The following CAMK1D variants were observed in gnomAD, a reference collection of about 807,000 sequenced individuals.
CAMK1D encodes calcium/calmodulin dependent protein kinase ID, also known as calcium/calmodulin-dependent protein kinase type 1D.
Under a neutral mutation model 47.7 loss-of-function variants are expected in CAMK1D, and 9 were observed. The ratio of observed to expected loss-of-function variants is 0.19; its 90% CI spans 0.11 to 0.33. The LOEUF (loss-of-function observed/expected upper bound fraction) is 0.33, where lower values mean the gene tolerates loss of function less well. CAMK1D is among the 10% of genes least tolerant of loss of function. The probability of loss-of-function intolerance (pLI) is 1.00; values close to 1 mark genes in which losing one functional copy is unlikely to be tolerated. For missense variants in CAMK1D, 291 were observed against 488.7 expected (o/e 0.60, Z 3.81); for synonymous variants, 184 against 184.9 (o/e 0.99, Z 0.04).
At chr10:12,743,919 A>G (rs1026748601) in intron 3 of CAMK1D, among the ~76,000 whole-genome samples, 2 of 152,020 alleles carry the variant, frequency 1.3e-5, no homozygotes, top group African/African-American at 2.4e-5. Context: ...GCTACTCCAG[A>G]GGCTGAAACA....
rs979073457 is a variant in CAMK1D, at chr10:12,760,938, T to G, written c.300-10T>G. On this transcript the variant is annotated splice_polypyrimidine_tract_variant and intron_variant, in intron 3 of 10. Coordinates refer to ENST00000619168, the MANE Select transcript of CAMK1D (RefSeq NM_153498.4). ...TCCTTTCAAACTTCTAATATGTTCT[T>G]TTTTGCCAGGGTGTCCGGTGGAGAG... 2 of 1,611,118 alleles carry G rather than the reference T, an allele frequency of 1.2e-6. No homozygotes were observed. Among genetic ancestry groups the G allele is most frequent in the African/African-American group, 2.7e-5 (2 of 74,872 alleles).
intron 2 of CAMK1D, among the ~76,000 whole-genome samples, chr10:12,631,688 CTT>C (rs58291909): frequency 1.5e-4 from 22 of 144,008 alleles, no homozygotes; most frequent in Admixed American, 2.8e-4. Flanking sequence ...CACGTTAATC[CTT>C]TTTTTTTTTT....
intron 1 of CAMK1D, among the ~76,000 whole-genome samples, chr10:12,407,742 C>T (rs1462661431): frequency 6.6e-6 from 1 of 152,034 alleles, no homozygotes; most frequent in Non-Finnish European, 1.5e-5. Flanking sequence ...AGGTGATTTG[C>T]TTGAGCATTT....
chr10:12,373,829 C>T (rs1027862656), intron 1 of CAMK1D, among the ~76,000 whole-genome samples: 4 of 151,824 alleles, frequency 2.6e-5, no homozygotes, highest in Middle Eastern at 3.4e-3. Context: ...AATCCCAGCC[C>T]TTTGGGAGGC....
chr10:12,528,419 G>A (rs1025839924), intron 1 of CAMK1D, among the ~76,000 whole-genome samples: 1 of 152,212 alleles, frequency 6.6e-6, no homozygotes, highest in Non-Finnish European at 1.5e-5. Context: ...GGAAATCTGA[G>A]AAAAGCCAGG....
chr10:12,729,068 G>T (rs1443136893), intron 3 of CAMK1D, among the ~76,000 whole-genome samples: 1 of 152,170 alleles, frequency 6.6e-6, no homozygotes. Flanking sequence ...ATTAATATTT[G>T]GCGTCATGCT....
intron 1 of CAMK1D, among the ~76,000 whole-genome samples, chr10:12,537,877 T>A (rs570982601): frequency 6.6e-6 from 1 of 152,386 alleles, no homozygotes; most frequent in South Asian, 2.1e-4. Context: ...TCCAACATTT[T>A]CATTGTATTT....
intron 1 of CAMK1D, among the ~76,000 whole-genome samples, chr10:12,378,893 T>C (rs1476906853): frequency 7.9e-5 from 12 of 151,662 alleles, no homozygotes; most frequent in Admixed American, 7.9e-4. Context: ...CACTGCAACC[T>C]TCGCCTCCTG....
intron 3 of CAMK1D, among the ~76,000 whole-genome samples, chr10:12,714,805 C>CACACACACAA (rs1169447579): frequency 4.7e-5 from 7 of 148,918 alleles, no homozygotes; most frequent in African/African-American, 1.8e-4. Flanking sequence ...CACACACACA[C>CACACACACAA]AATGTCTGAT....
intron 1 of CAMK1D, among the ~76,000 whole-genome samples, chr10:12,475,129 C>T (rs1177543665): frequency 1.3e-5 from 2 of 152,230 alleles, no homozygotes; most frequent in East Asian, 1.9e-4. Context: ...CATGGAATTG[C>T]TGGGTCGAAT....
chr10:12,748,133 C>G (rs1444660644), intron 3 of CAMK1D, among the ~76,000 whole-genome samples: 2 of 152,188 alleles, frequency 1.3e-5, no homozygotes, highest in Admixed American at 6.5e-5. Flanking sequence ...CAGAACAATG[C>G]AATTTTATTC....
intron 3 of CAMK1D, among the ~76,000 whole-genome samples, chr10:12,749,465 GAAAT>G (rs1174619156): frequency 1.7e-5 from 2 of 115,172 alleles, no homozygotes; most frequent in African/African-American, 3.1e-5. Context: ...AAAAAAAAAA[GAAAT>G]CCATTGTAAG....
At chr10:12,698,731 G>A (rs1474343512) in intron 3 of CAMK1D, among the ~76,000 whole-genome samples, 1 of 142,610 alleles carries the variant, frequency 7.0e-6, no homozygotes, top group Non-Finnish European at 1.5e-5. Context: ...GGAGTGCAGT[G>A]GTGTGATCTC....
intron 3 of CAMK1D, among the ~76,000 whole-genome samples, chr10:12,735,394 C>T (rs975770827): frequency 3.3e-5 from 5 of 152,130 alleles, no homozygotes; most frequent in African/African-American, 7.2e-5. Context: ...AGGAGAATGG[C>T]GTGAACCCGG....
chr10:12,709,504 A>C (rs1303010082), intron 3 of CAMK1D, among the ~76,000 whole-genome samples: 1 of 152,184 alleles, frequency 6.6e-6, no homozygotes, highest in African/African-American at 2.4e-5. Context: ...ATCTTAGGGG[A>C]ATAAAAATAT....
intron 8 of CAMK1D, among the ~76,000 whole-genome samples, chr10:12,819,575 A>G (rs529260613): frequency 6.6e-6 from 1 of 152,378 alleles, no homozygotes; most frequent in Non-Finnish European, 1.5e-5. Flanking sequence ...TCAAGGGGTT[A>G]CGTGAGATAA....
intron 1 of CAMK1D, among the ~76,000 whole-genome samples, chr10:12,547,285 G>A (rs1588619528): frequency 2.6e-5 from 4 of 152,222 alleles, no homozygotes; most frequent in African/African-American, 9.6e-5. Flanking sequence ...CCCCTGGGGG[G>A]CCCAGCCCAC....
At chr10:12,462,721 T>G (rs1833472613) in intron 1 of CAMK1D, among the ~76,000 whole-genome samples, 1 of 152,208 alleles carries the variant, frequency 6.6e-6, no homozygotes, top group African/African-American at 2.4e-5. Context: ...AGATGGGTTC[T>G]TGCTCTGTTT....
chr10:12,805,609 A>G (rs1418300005), intron 6 of CAMK1D, among the ~76,000 whole-genome samples: 2 of 152,058 alleles, frequency 1.3e-5, no homozygotes, highest in African/African-American at 4.8e-5. Context: ...ACCTCAAGCA[A>G]TCCACCCACC....
Sources: allele counts gnomAD v4.1 joint callset (sites outside exome capture counted in the v4.1 genomes callset), GRCh38; gene constraint gnomAD v4.1.1; transcripts MANE v1.5; gene names NCBI Gene and HGNC (gene_info 2026-07-23, HGNC 2026-07-21).